Variants in TM7SF3 observed in about 807,000 individuals in gnomAD.
TM7SF3 encodes the protein seven span transmembrane protein.
In TM7SF3, 60 loss-of-function variants were observed where a neutral mutation model predicts 65.5. The ratio of observed to expected loss-of-function variants is 0.92; its 90% CI spans 0.74 to 1.14. The LOEUF is 1.14. Among genes scored for constraint, TM7SF3 ranks in the 50% most tolerant of loss-of-function variants. The pLI, the probability that TM7SF3 is intolerant of heterozygous loss-of-function variation, is 0.00. For missense variants in TM7SF3, 623 were observed against 684.8 expected, an observed-to-expected ratio of 0.91 and a Z score of 1.01; for synonymous variants, 264 against 259.6, an observed-to-expected ratio of 1.02 and a Z score of -0.16.
At chr12:26,988,098 A>T (rs1940178438) in intron 6 of TM7SF3, among the ~76,000 whole-genome samples, 1 of 152,248 alleles carries the variant, frequency 6.6e-6, no homozygotes, top group East Asian at 1.9e-4. Flanking sequence ...AGATTATACA[A>T]CTATAAAGAG....
At chr12:27,013,289 C>A (rs572507730) in intron 1 of TM7SF3, among the ~76,000 whole-genome samples, 1 of 152,272 alleles carries the variant, frequency 6.6e-6, no homozygotes, top group African/African-American at 2.4e-5. Flanking sequence ...GGATATGAGA[C>A]AACAGAGAAC....
At chr12:26,979,366 C>A in intron 9 of TM7SF3, 1 of 166,252 alleles carries the variant, frequency 6.0e-6, no homozygotes, top group East Asian at 1.7e-4. Flanking sequence ...GCTACTGCCC[C>A]AGGGTGATTA....
In TM7SF3 at chr12:27,003,422, T is replaced by A. The variant is rs183424819; in HGVS notation, c.92-32A>T. On this transcript the variant is annotated intron_variant, in intron 1 of 11. Transcript: ENST00000343028. The stretch of plus-strand genomic sequence containing the variant: ...CGAGATAAACTTTTCATTACAACAC[T>A]TGTACTCTCATATCAATTTGCAGAA... 4 of 1,567,582 alleles carry A rather than the reference T, an allele frequency of 2.6e-6. No homozygotes were observed. In the African/African-American group the frequency reaches 5.5e-5, roughly 21 times the overall value.
chr12:26,980,189 T>C (rs1335449501), intron 8 of TM7SF3: 10 of 573,548 alleles, frequency 1.7e-5, no homozygotes, highest in Non-Finnish European at 3.1e-5. Context: ...TAAATTGGGA[T>C]TGAGAAGGAA....
intron 5 of TM7SF3, among the ~76,000 whole-genome samples, chr12:26,993,958 T>C (rs1225954448): frequency 6.6e-6 from 1 of 152,222 alleles, no homozygotes; most frequent in Non-Finnish European, 1.5e-5. Flanking sequence ...TCTTGATTCT[T>C]GAACTGCCCC....
intron 1 of TM7SF3, among the ~76,000 whole-genome samples, chr12:27,008,562 T>G (rs1036722880): frequency 6.6e-6 from 1 of 152,172 alleles, no homozygotes; most frequent in African/African-American, 2.4e-5. Context: ...TAGTCCCTTT[T>G]GTGTCATTTT....
intron 10 of TM7SF3, 152 bp from the exon 11 acceptor site, chr12:26,975,810 A>G: frequency 1.3e-6 from 1 of 748,024 alleles, no homozygotes; most frequent in Non-Finnish European, 2.1e-6. Context: ...AGTTCCCTGG[A>G]AAGATAAACT....
rs745451211 is a variant in TM7SF3 at position 26,990,483 on chromosome 12, A to G, written c.835T>C (p.Phe279Leu). ...GCACAACTACCCTCTCCTGCCTCAA[A>G]GCTGCAAGCGTATGTGTGAGCAGGA... is the stretch of plus-strand genomic sequence containing the variant. ...YIPAHTYACS[F>L]EAGEGSCASL... is the part of the protein sequence containing the mutation. The change falls in exon 6 of 12, where the codon TTT becomes CTT. Residue 279 changes from phenylalanine to leucine, a missense_variant. Transcript: ENST00000343028. The G allele has an allele frequency of 1.2e-6, 2 of 1,614,026 alleles. No individual in the cohort carries two copies. The highest frequency in any genetic ancestry group is 1.1e-5 in the South Asian group (1 of 91,078).
chr12:26,976,359 T>C lies in TM7SF3; in HGVS notation c.1190-2A>G. The C allele has an allele frequency of 6.2e-7, 1 of 1,609,608 alleles. No homozygotes were observed. Among genetic ancestry groups the C allele is most frequent in the Non-Finnish European group, 8.5e-7 (1 of 1,176,536 alleles). On this transcript the variant is annotated splice_acceptor_variant, in intron 9 of 11. Transcript: ENST00000343028. LOFTEE classifies it high-confidence loss of function. Reference sequence around the variant, plus strand: ...CATCATGAAAAATCTTTAGGTTTCCTGAAAAAGCAAAAAGAAACTAAGAGT... The same window carrying C: ...CATCATGAAAAATCTTTAGGTTTCCCGAAAAAGCAAAAAGAAACTAAGAGT...
In TM7SF3 at chr12:26,990,537, G is replaced by T. The variant is rs752443311; in HGVS notation, c.781C>A (p.Pro261Thr). 6 of 1,613,786 alleles carry T rather than the reference G, an allele frequency of 3.7e-6. No homozygotes were observed. The highest frequency in any genetic ancestry group is 5.1e-6 in the Non-Finnish European group (6 of 1,179,718). ...GVIYNVIVWD[P>T]FLNTSAAYIP... Reference sequence around the variant, plus strand: ...TAGGCAGCAGATGTATTTAGAAACGGGTCCCAAACAATGACATTGTATATG... The same window carrying T: ...TAGGCAGCAGATGTATTTAGAAACGTGTCCCAAACAATGACATTGTATATG... The change falls in exon 6 of 12, where the codon CCG becomes ACG. Residue 261 changes from proline (P) to threonine (T), a missense_variant. Coordinates refer to ENST00000343028, the MANE Select transcript of TM7SF3 (RefSeq NM_016551.3).
At position 26,973,989 on chromosome 12, in the gene TM7SF3, T is replaced by C; in HGVS notation, c.1689A>G (p.Gly563=). 6.2e-7 allele frequency: 1 copy of C among 1,614,194 alleles called. No homozygotes were observed. Among genetic ancestry groups the C allele is most frequent in the Non-Finnish European group, 8.5e-7 (1 of 1,180,038 alleles). Residue 563 remains glycine, a synonymous_variant, in exon 12 of 12, where the codon GGA becomes GGG. Transcript: ENST00000343028. The part of the protein sequence containing the change: ...KGLFQKEQPA[G]ERTPLLL ...TCTACAGAAGCAAAGGCGTTCTCTCTCCAGCTGGCTGCTCCTTCTGGAAGA... is the reference window on the plus strand; with the variant it reads ...TCTACAGAAGCAAAGGCGTTCTCTCCCCAGCTGGCTGCTCCTTCTGGAAGA...
rs1426777301 is a variant in TM7SF3 at position 26,973,410 on chromosome 12, A to G, written c.*555T>C. The G allele has an allele frequency of 6.6e-6, 1 of 152,340 alleles. No individual in the cohort carries two copies. Among genetic ancestry groups the G allele is most frequent in the African/African-American group, 2.4e-5 (1 of 41,418 alleles). 9.4% of individuals were successfully genotyped at this position (152,340 alleles called of 1,614,324 possible). On this transcript the variant is annotated 3_prime_UTR_variant, in exon 12 of 12. Coordinates refer to ENST00000343028, the MANE Select transcript of TM7SF3 (RefSeq NM_016551.3). ...TGTCGGTCTCAAACTCCTGGGCTCAAGCGATACTCCCACCTTGGCTTCCCA... is the reference window on the plus strand; with the variant it reads ...TGTCGGTCTCAAACTCCTGGGCTCAGGCGATACTCCCACCTTGGCTTCCCA...
intron 5 of TM7SF3, among the ~76,000 whole-genome samples, chr12:26,994,409 C>T (rs1940504191): frequency 1.3e-5 from 2 of 152,220 alleles, no homozygotes; most frequent in South Asian, 2.1e-4. Context: ...TGCAACAGCA[C>T]CATCTGGGCT....
At chr12:26,975,752 G>T in intron 10 of TM7SF3, 94 bp from the exon 11 acceptor site, 1 of 1,334,918 alleles carries the variant, frequency 7.5e-7, no homozygotes, top group Non-Finnish European at 1.0e-6. Flanking sequence ...AATCACATCT[G>T]CTCCCTCAGG....
chr12:26,984,471 A>T (rs1939957979), intron 6 of TM7SF3, among the ~76,000 whole-genome samples: 1 of 151,868 alleles, frequency 6.6e-6, no homozygotes, highest in Admixed American at 6.6e-5. Flanking sequence ...ACCCAGAAAG[A>T]TTAAACGAAA....
rs573437886 is a variant in TM7SF3 at position 26,976,405 on chromosome 12, T to TA, written c.1190-49dup. On this transcript the variant is annotated intron_variant, in intron 9 of 11. Transcript: ENST00000343028. Reference sequence around the variant, plus strand: ...AGAGTAAACAACAGCTTTACCAAGTTAGAGTTGGTTTCTTGGAACATCTGA... The same window carrying TA: ...AGAGTAAACAACAGCTTTACCAAGTTAAGAGTTGGTTTCTTGGAACATCTGA... 37 of 1,329,326 alleles carry TA rather than the reference T, an allele frequency of 2.8e-5. No homozygotes were observed. In the African/African-American group the frequency reaches 4.4e-4, roughly 16 times the overall value. The allele number at this position is 1,329,326 out of a possible 1,614,324, so 82.3% of individuals were successfully genotyped here. A position where few individuals can be genotyped will look rare whatever the true frequency, so the allele number is the denominator to read the frequency against.
chr12:27,012,566 A>C lies in TM7SF3; in HGVS notation c.91+1512T>G, dbSNP rs191871442. 1,344 of 455,202 alleles carry C rather than the reference A, an allele frequency of 3.0e-3. 6 individuals carry two copies. The highest frequency in any genetic ancestry group is 3.9e-3 in the Non-Finnish European group (883 of 226,342). The allele number at this position is 455,202 out of a possible 1,614,324, so 28.2% of individuals were successfully genotyped here. ...AATGTGCTTAGTTTCATGGAAAAGC[A>C]CATGATGATCTGCCTGGCACAACTA... is the stretch of plus-strand genomic sequence containing the variant. On this transcript the variant is annotated intron_variant, in intron 1 of 11. Transcript: ENST00000343028.
chr12:26,982,852 C>T lies in TM7SF3; in HGVS notation c.876G>A (p.Val292=), dbSNP rs376416647. 15 of 1,596,144 alleles carry T rather than the reference C, an allele frequency of 9.4e-6. No individual in the cohort carries two copies. Among genetic ancestry groups the T allele is most frequent in the Middle Eastern group, 3.3e-4 (2 of 6,044 alleles). Reference sequence around the variant, plus strand: ...AAAGAGTGAAGAACACTTTGGAAGACACTCTTCCTAAAAAATAATGAAAAT... The same window carrying T: ...AAAGAGTGAAGAACACTTTGGAAGATACTCTTCCTAAAAAATAATGAAAAT... The part of the protein sequence containing the change: ...GEGSCASLGR[V]SSKVFFTLFA... The change falls in exon 7 of 12, where the codon GTG becomes GTA. Residue 292 remains valine, a synonymous_variant. Transcript: ENST00000343028.
At chr12:26,980,779 C>A in intron 7 of TM7SF3, 133 bp from the exon 8 acceptor site, 1 of 527,096 alleles carries the variant, frequency 1.9e-6, no homozygotes, top group Non-Finnish European at 3.3e-6. Flanking sequence ...CATGTTACAG[C>A]ATTCAGAAGA....
Sources: allele counts gnomAD v4.1 joint callset (sites outside exome capture counted in the v4.1 genomes callset), GRCh38; gene constraint gnomAD v4.1.1; transcripts MANE v1.5; gene names NCBI Gene and HGNC (gene_info 2026-07-23, HGNC 2026-07-21).